Variants in ADCY6 observed in about 807,000 individuals in gnomAD.
ADCY6 encodes the protein adenylate cyclase 6.
Under a neutral mutation model 111.6 loss-of-function variants are expected in ADCY6, and 59 were observed. The ratio of observed to expected loss-of-function variants is 0.53; its 90% CI spans 0.43 to 0.66. ADCY6 has a LOEUF of 0.66. Ranked by LOEUF, ADCY6 falls within the 30% of genes least tolerant of loss-of-function variation. The pLI is 0.00. For synonymous variants in ADCY6, 576 were observed against 642.9 expected, an observed-to-expected ratio of 0.90 and a Z score of 1.57; for missense variants, 1,242 against 1,595.6, an observed-to-expected ratio of 0.78 and a Z score of 3.78.
chr12:48,779,242 A>G (rs1385234237), intron 2 of ADCY6, among the ~76,000 whole-genome samples: 1 of 152,124 alleles, frequency 6.6e-6, no homozygotes, highest in Non-Finnish European at 1.5e-5. Flanking sequence ...CCCATTTTAA[A>G]GGTAAGGGAA....
chr12:48,775,551 C>A, intron 10 of ADCY6, 101 bp from the exon 11 acceptor site: 7 of 1,583,532 alleles, frequency 4.4e-6, no homozygotes, highest in Non-Finnish European at 6.1e-6. Context: ...GGAGGGAGAG[C>A]CAGGGGGGTG....
rs1437721104 is a variant in ADCY6, at chr12:48,768,719, G to C, written c.3382-3C>G. 9 of 1,613,532 alleles carry C rather than the reference G, an allele frequency of 5.6e-6. No individual in the cohort carries two copies. The highest frequency in any genetic ancestry group is 1.3e-5 in the African/African-American group (1 of 74,918). ...ACCTGGTACAGGTCCGTGGTCACCTGGGGGAGTGGGAGGGGAGCCCGCTTA... is the reference window on the plus strand; with the variant it reads ...ACCTGGTACAGGTCCGTGGTCACCTCGGGGAGTGGGAGGGGAGCCCGCTTA... On this transcript the variant is annotated splice_region_variant and splice_polypyrimidine_tract_variant and intron_variant, in intron 21 of 21. Transcript: ENST00000357869.
At position 48,777,396 on chromosome 12, in the gene ADCY6, C is replaced by T. The variant is rs1198631638; in HGVS notation, c.1248+14G>A. 1 of 1,613,418 alleles carries T rather than the reference C, an allele frequency of 6.2e-7. No homozygotes were observed. The highest frequency in any genetic ancestry group is 8.5e-7 in the Non-Finnish European group (1 of 1,179,658). ...TCAACACCCAGGCCCAATCCCAAGGCCCAGCACCCTCACCGCAGCCAGCTT... is the reference window on the plus strand; with the variant it reads ...TCAACACCCAGGCCCAATCCCAAGGTCCAGCACCCTCACCGCAGCCAGCTT... On this transcript the variant is annotated intron_variant, in intron 5 of 21. Transcript: ENST00000357869. This position sits in a 1 kb window ranked among gnomAD's most constrained non-coding sequence, Gnocchi z 4.9.
In ADCY6 at chr12:48,783,314, G is replaced by T. The variant is rs777198973; in HGVS notation, c.121C>A (p.Pro41Thr). 3.1e-6 allele frequency: 5 copies of T among 1,613,720 alleles called. No homozygotes were observed. In the East Asian group the frequency reaches 6.7e-5, roughly 22 times the overall value. The stretch of plus-strand genomic sequence containing the variant: ...TCCCGGAGGCAGCTCATATAGCGGG[G>T]CGTGCAGAAGCCACCTGCCCGAGTG... ...RGTRAGGFCT[P>T]RYMSCLRDAE... is the part of the protein sequence containing the mutation. Residue 41 changes from proline (P) to threonine (T), a missense_variant, in exon 2 of 22, where the codon CCC (proline) becomes ACC (threonine). Around this residue, in one of 4 missense-constraint regions of ADCY6, gnomAD observed 362 missense variants for 377.2 expected, o/e 0.96. Transcript: ENST00000357869.
rs1034213467 is a variant in ADCY6 at position 48,767,680 on chromosome 12, C to T, written c.*911G>A. 6.6e-6 allele frequency: 1 copy of T among 152,600 alleles called. No individual in the cohort carries two copies. Among genetic ancestry groups the T allele is most frequent in the Non-Finnish European group, 1.5e-5 (1 of 68,050 alleles). 9.5% of individuals were successfully genotyped at this position (152,600 alleles called of 1,614,324 possible). ...GAAGAGGAAGAGATGCTCCATGCCC[C>T]CTTGTCAGCAGACAGCAAGAGAGCA... On this transcript the variant is annotated 3_prime_UTR_variant, in exon 22 of 22. Coordinates refer to ENST00000357869, the MANE Select transcript of ADCY6 (RefSeq NM_015270.5).
At position 48,768,529 on chromosome 12, in the gene ADCY6, G is replaced by A. The variant is rs552374524; in HGVS notation, c.*62C>T. ...GCCCCCTGCCACAGCTCCACCCAGTGAGCACAGAGTCCACTCAATGCCCAC... is the reference window on the plus strand; with the variant it reads ...GCCCCCTGCCACAGCTCCACCCAGTAAGCACAGAGTCCACTCAATGCCCAC... On this transcript the variant is annotated 3_prime_UTR_variant, in exon 22 of 22. Transcript: ENST00000357869. 93 of 1,612,934 alleles carry A rather than the reference G, an allele frequency of 5.8e-5. 6 individuals carry two copies. The South Asian group carries it at 1.0e-3, about 18-fold the overall frequency.
rs560691340 is a variant in ADCY6, at chr12:48,772,337, C to T, written c.2745G>A (p.Gln915=). 1.2e-6 allele frequency: 2 copies of T among 1,614,172 alleles called. No individual in the cohort carries two copies. The highest frequency in any genetic ancestry group is 2.7e-5 in the African/African-American group (2 of 75,076). The change falls in exon 18 of 22, where the codon CAG becomes CAA. Residue 915 remains glutamine, a synonymous_variant. Transcript: ENST00000357869. ...FALALYLHAQ[Q]VESTARLDFL... Reference sequence around the variant, plus strand: ...AGTCTAGGCGGGCAGTCGACTCCACCTGCTGAGCATGCAGATACAGCGCCA... The same window carrying T: ...AGTCTAGGCGGGCAGTCGACTCCACTTGCTGAGCATGCAGATACAGCGCCA...
rs1333744369 is a variant in ADCY6 at position 48,773,601 on chromosome 12, A to C, written c.2489T>G (p.Phe830Cys). 1.2e-6 allele frequency: 2 copies of C among 1,614,130 alleles called. No homozygotes were observed. The highest frequency in any genetic ancestry group is 1.7e-6 in the Non-Finnish European group (2 of 1,180,018). The change falls in exon 16 of 22, where the codon TTC becomes TGC. Residue 830 changes from phenylalanine (F) to cysteine (C), a missense_variant. By Grantham distance (205) the Phe-to-Cys change is radical. This residue lies in a region of ADCY6 where 375 missense variants were observed against 432.5 expected (regional missense o/e 0.87). Coordinates refer to ENST00000357869, the MANE Select transcript of ADCY6 (RefSeq NM_015270.5). ...CTTCCCGATGCTGCTGATGTGCAGG[A>C]AGACAGAGCTGGCCAAGAGACTCAG... ...MLLSLLASSV[F>C]LHISSIGKLA...
chr12:48,769,759 GT>G (rs1238353646), intron 20 of ADCY6, among the ~76,000 whole-genome samples: 1,100 of 103,766 alleles, frequency 0.011, 13 homozygotes, highest in African/African-American at 0.032. Context: ...ACTAATTTTT[GT>G]TTTTTTTTTT....
At position 48,775,343 on chromosome 12, in the gene ADCY6, C is replaced by T. The variant is rs200747404; in HGVS notation, c.1940G>A (p.Arg647Gln). 3.5e-5 allele frequency: 57 copies of T among 1,613,926 alleles called. No individual in the cohort carries two copies. The Middle Eastern group carries it at 9.9e-4, about 28-fold the overall frequency. ...CTCTCTCTGGAAGGTGAGCAGAAAC[C>T]GGCGCACATGGTCCTTCCGCAGCTG... is the stretch of plus-strand genomic sequence containing the variant. ...IDQLRKDHVR[R>Q]FLLTFQREDL... Residue 647 changes from arginine (R) to glutamine (Q), a missense_variant, in exon 11 of 22, where the codon CGG (arginine) becomes CAG (glutamine). This residue lies in a region of ADCY6 where 375 missense variants were observed against 432.5 expected (regional missense o/e 0.87). Transcript: ENST00000357869.
At position 48,776,604 on chromosome 12, in the gene ADCY6, CA is replaced by C; in HGVS notation, c.1377-19del. 1 of 1,595,294 alleles carries C rather than the reference CA, an allele frequency of 6.3e-7. No homozygotes were observed. On this transcript the variant is annotated intron_variant, in intron 6 of 21. Coordinates refer to ENST00000357869, the MANE Select transcript of ADCY6 (RefSeq NM_015270.5). This position sits in a 1 kb window ranked among gnomAD's most constrained non-coding sequence, Gnocchi z 6.1. ...GTACCAGCCTGGGAGGATGCAGCCC[CA>C]GATCAGCTCCTGGCAGTCTTCCCCT...
At chr12:48,787,577 T>C (rs1316818168) in intron 1 of ADCY6, among the ~76,000 whole-genome samples, 1 of 152,174 alleles carries the variant, frequency 6.6e-6, no homozygotes, top group Non-Finnish European at 1.5e-5. Flanking sequence ...GGTAGAGCAC[T>C]GTTCCAAGCC....
intron 20 of ADCY6, 73 bp from the exon 21 acceptor site, chr12:48,769,134 C>T (rs529369053): frequency 2.0e-4 from 283 of 1,397,418 alleles, no homozygotes; most frequent in Non-Finnish European, 2.5e-4. Context: ...CACCTCCTGG[C>T]ACTGGTAGAA....
chr12:48,772,296 T>C lies in ADCY6; in HGVS notation c.2786A>G (p.Gln929Arg). The C allele has an allele frequency of 1.2e-6, 2 of 1,612,480 alleles. No individual in the cohort carries two copies. The highest frequency in any genetic ancestry group is 1.7e-6 in the Non-Finnish European group (2 of 1,179,160). Residue 929 changes from glutamine to arginine, a missense_variant and splice_region_variant, in exon 18 of 22, where the codon CAG becomes CGG. Transcript: ENST00000357869. The stretch of plus-strand genomic sequence containing the variant: ...TCCCCCAAAGGCCCACACAGTCACC[T>C]GTAGTTTCCAGAGGAAGTCTAGGCG... Reference protein sequence around the residue: ...TARLDFLWKLQATGEKEEMEE... With the variant: ...TARLDFLWKLRATGEKEEMEE...
At chr12:48,780,119 A>G (rs145789642) in intron 2 of ADCY6, among the ~76,000 whole-genome samples, 92 of 152,252 alleles carry the variant, frequency 6.0e-4, no homozygotes, top group African/African-American at 2.2e-3. Flanking sequence ...TCCTGGCCCC[A>G]GGAGCCCAAG....
Position 48,786,908 on chromosome 12 carries a change from G to A in ADCY6, c.-5+1998C>T, listed in dbSNP as rs200710734. On this transcript the variant is annotated intron_variant, in intron 1 of 21. Transcript: ENST00000357869. ...TGTCAGTACCTTCATCTGCAAAATG[G>A]AAATGATAATGGTCCTCAGGAAAGA... 5.9e-5 allele frequency among the ~76,000 whole-genome samples: 9 copies of A among 152,318 alleles called. No homozygotes were observed. In the East Asian group the frequency reaches 1.7e-3, roughly 29 times the overall value.
At chr12:48,770,545 G>C (rs1941507940) in intron 20 of ADCY6, among the ~76,000 whole-genome samples, 1 of 152,192 alleles carries the variant, frequency 6.6e-6, no homozygotes, top group African/African-American at 2.4e-5. Context: ...TCTATCCAAT[G>C]AAAGGCGATA....
Position 48,768,509 on chromosome 12 carries a change from C to T in ADCY6, c.*82G>A, listed in dbSNP as rs1359945220. ...GCAGGGTCTGGAGGCTCAGTGCCCC[C>T]TGCCACAGCTCCACCCAGTGAGCAC... On this transcript the variant is annotated 3_prime_UTR_variant, in exon 22 of 22. Coordinates refer to ENST00000357869, the MANE Select transcript of ADCY6 (RefSeq NM_015270.5). The T allele has an allele frequency of 1.2e-6, 2 of 1,604,098 alleles. No individual in the cohort carries two copies. Among genetic ancestry groups the T allele is most frequent in the Non-Finnish European group, 1.7e-6 (2 of 1,171,906 alleles).
At chr12:48,786,826 C>T (rs1270423792) in intron 1 of ADCY6, among the ~76,000 whole-genome samples, 1 of 152,218 alleles carries the variant, frequency 6.6e-6, no homozygotes, top group African/African-American at 2.4e-5. Context: ...GGGTTCCAAA[C>T]CTTAGCGTGA....
Sources: gnomAD v4.1 joint callset for allele counts (sites outside exome capture counted in the v4.1 genomes callset) on GRCh38, gnomAD v4.1.1 for gene constraint, gnomAD v4.1.1 regional missense constraint, Gnocchi (gnomAD v3.1) non-coding constraint, MANE v1.5 for transcripts, NCBI Gene and HGNC (gene_info 2026-07-23, HGNC 2026-07-21) for gene names.